IFT80: variants seen among roughly 807,000 people sequenced by gnomAD.
The protein encoded by IFT80 is intraflagellar transport protein 80 homolog.
In IFT80, 79 loss-of-function variants were observed where a neutral mutation model predicts 107.9. The ratio of observed to expected loss-of-function variants is 0.73; its 90% CI spans 0.61 to 0.88. The LOEUF is 0.88. Among genes scored for constraint, IFT80 ranks in the 40% least tolerant of loss-of-function variants. IFT80 has a pLI of 0.00. For missense variants in IFT80, 797 were observed against 914.2 expected (o/e 0.87, Z 1.65); for synonymous variants, 299 against 300.9 (o/e 0.99, Z 0.07).
At chr3:160,398,695 A>G (rs1199383062) in intron 1 of IFT80, among the ~76,000 whole-genome samples, 1 of 152,216 alleles carries the variant, frequency 6.6e-6, no homozygotes, top group African/African-American at 2.4e-5. Flanking sequence ...AGGAATCGCC[A>G]AACTTGCTTA....
chr3:160,264,579 A>G (rs1294549194), intron 19 of IFT80, among the ~76,000 whole-genome samples: 1 of 146,508 alleles, frequency 6.8e-6, no homozygotes, highest in African/African-American at 2.5e-5. Context: ...CTACAGGTGC[A>G]TGTCACCATG....
At chr3:160,365,131 G>C (rs1249796330) in intron 6 of IFT80, among the ~76,000 whole-genome samples, 1 of 152,014 alleles carries the variant, frequency 6.6e-6, no homozygotes, top group Non-Finnish European at 1.5e-5. Context: ...TGGCATGGAA[G>C]GACTTTGACT....
chr3:160,365,548 A>T (rs759579581), intron 6 of IFT80, among the ~76,000 whole-genome samples: 1 of 152,110 alleles, frequency 6.6e-6, no homozygotes, highest in Non-Finnish European at 1.5e-5. Flanking sequence ...TAGCATAATA[A>T]TACAGATAAT....
intron 12 of IFT80, among the ~76,000 whole-genome samples, chr3:160,290,240 C>T (rs1305778507): frequency 6.6e-6 from 1 of 151,720 alleles, no homozygotes; most frequent in Non-Finnish European, 1.5e-5. Context: ...AACCCCGTCT[C>T]CCCTAAAAAT....
chr3:160,380,908 A>G (rs1467573540), intron 3 of IFT80, among the ~76,000 whole-genome samples: 4 of 152,086 alleles, frequency 2.6e-5, no homozygotes, highest in Admixed American at 2.0e-4. Flanking sequence ...TAAAACTATG[A>G]TAACAGCTTA....
chr3:160,310,139 C>G (rs527370514), intron 9 of IFT80, among the ~76,000 whole-genome samples: 2 of 152,174 alleles, frequency 1.3e-5, no homozygotes, highest in South Asian at 4.1e-4. Flanking sequence ...CATTTCCTTC[C>G]AAAAGGAGCA....
intron 5 of IFT80, among the ~76,000 whole-genome samples, chr3:160,367,195 T>C (rs1454716577): frequency 6.6e-6 from 1 of 152,100 alleles, no homozygotes; most frequent in African/African-American, 2.4e-5. Context: ...GAAACTTAGG[T>C]TGCCTCCAAA....
At chr3:160,338,900 C>G (rs764981131) in intron 8 of IFT80, among the ~76,000 whole-genome samples, 3 of 152,106 alleles carry the variant, frequency 2.0e-5, no homozygotes, top group East Asian at 1.9e-4. Context: ...TCTCCTCAAC[C>G]CTTGTTAAGT....
Position 160,355,646 on chromosome 3 carries a change from CA to C in IFT80, c.777+366del, listed in dbSNP as rs901984834. Among the ~76,000 whole-genome samples, 16 of 137,358 alleles carry C rather than the reference CA, an allele frequency of 1.2e-4. 1 individual carries two copies. The highest frequency in any genetic ancestry group is 6.9e-4 in the South Asian group (3 of 4,340). 90.1% of individuals were successfully genotyped at this position (137,358 alleles called of 152,430 possible). A position where few individuals can be genotyped will look rare whatever the true frequency, so the allele number is the denominator to read the frequency against. ...GATTTCGTATGAAACATATTGACAG[CA>C]AAAAAAAAATAAAAGTTTATAAGCT... On this transcript the variant is annotated intron_variant, in intron 8 of 19. Coordinates refer to ENST00000326448, the MANE Select transcript of IFT80 (RefSeq NM_020800.3).
intron 12 of IFT80, among the ~76,000 whole-genome samples, chr3:160,299,753 TG>T (rs1394327740): frequency 6.6e-6 from 1 of 152,168 alleles, no homozygotes; most frequent in Non-Finnish European, 1.5e-5. Context: ...TTTATCCTAT[TG>T]TTCACTCTCA....
chr3:160,375,584 A>G (rs1711949338), intron 5 of IFT80, among the ~76,000 whole-genome samples: 1 of 152,154 alleles, frequency 6.6e-6, no homozygotes, highest in Admixed American at 6.6e-5. Flanking sequence ...CATAAAAAAA[A>G]GCCCTTGAGT....
intron 8 of IFT80, among the ~76,000 whole-genome samples, chr3:160,347,632 A>T (rs1720386209): frequency 5.9e-5 from 9 of 152,150 alleles, no homozygotes; most frequent in Admixed American, 5.9e-4. Context: ...ATGGGTACAC[A>T]ATTTTACTTA....
chr3:160,299,934 T>C (rs1053432204), intron 12 of IFT80, among the ~76,000 whole-genome samples: 2 of 152,098 alleles, frequency 1.3e-5, no homozygotes, highest in African/African-American at 2.4e-5. Flanking sequence ...CATGCCCACA[T>C]CTTCACCATG....
chr3:160,338,199 A>C (rs749426553), intron 8 of IFT80, among the ~76,000 whole-genome samples: 1 of 152,208 alleles, frequency 6.6e-6, no homozygotes, highest in Non-Finnish European at 1.5e-5. Context: ...TATGAAGATA[A>C]GATAGTTCCT....
At chr3:160,348,125 CTTTAT>C (rs1350497330) in intron 8 of IFT80, among the ~76,000 whole-genome samples, 2 of 151,924 alleles carry the variant, frequency 1.3e-5, no homozygotes, top group Non-Finnish European at 2.9e-5. Flanking sequence ...TTATTTACTT[CTTTAT>C]TTTATATTTA....
chr3:160,279,667 C>CT (rs1714538152), intron 15 of IFT80, among the ~76,000 whole-genome samples: 2 of 123,934 alleles, frequency 1.6e-5, no homozygotes, highest in Non-Finnish European at 3.3e-5. Flanking sequence ...TTGAAATCAT[C>CT]TTTTTTTCCG....
At chr3:160,313,057 T>G (rs1363535524) in intron 9 of IFT80, among the ~76,000 whole-genome samples, 5 of 101,076 alleles carry the variant, frequency 4.9e-5, no homozygotes, top group African/African-American at 1.9e-4. Context: ...ATAATAAATA[T>G]AATATATATT....
chr3:160,356,552 A>C (rs1314877413), intron 7 of IFT80, among the ~76,000 whole-genome samples: 1 of 152,120 alleles, frequency 6.6e-6, no homozygotes, highest in South Asian at 2.1e-4. Context: ...ACAGGGTCTC[A>C]CTCTGTGGCC....
Position 160,366,149 on chromosome 3 carries a change from G to A in IFT80, c.443C>T (p.Thr148Ile). ...MLRSTLAQQG[T>I]PVYSVAWGPD... Reference sequence around the variant, plus strand: ...GCCCCACGCTACTGAATACACTGGTGTTCCTGTAAGATGAAAAAAGAAAAA... The same window carrying A: ...GCCCCACGCTACTGAATACACTGGTATTCCTGTAAGATGAAAAAAGAAAAA... The change falls in exon 6 of 20, where the codon ACA (threonine) becomes ATA (isoleucine). Residue 148 changes from threonine to isoleucine, a missense_variant. Physicochemically the swap from Thr to Ile is moderately conservative, Grantham distance 89 (BLOSUM62 -1). Transcript: ENST00000326448. 6.3e-7 allele frequency: 1 copy of A among 1,599,700 alleles called. No individual in the cohort carries two copies.
Sources: allele counts gnomAD v4.1 joint callset (sites outside exome capture counted in the v4.1 genomes callset), GRCh38; gene constraint gnomAD v4.1.1; transcripts MANE v1.5; gene names NCBI Gene and HGNC (gene_info 2026-07-23, HGNC 2026-07-21).